Variants in NLGN1 observed in about 807,000 individuals in gnomAD.
NLGN1 encodes the protein neuroligin-1.
NLGN1 carries 12 observed loss-of-function variants against 65.5 expected under a neutral mutation model. The observed-to-expected ratio is 0.18, with a 90% CI of 0.12 to 0.30. The LOEUF is 0.30. Among genes scored for constraint, NLGN1 ranks in the 10% least tolerant of loss-of-function variants. The probability of loss-of-function intolerance (pLI) is 1.00; values close to 1 mark genes in which losing one functional copy is unlikely to be tolerated. For missense variants in NLGN1, 750 were observed against 1,007.1 expected (o/e 0.74, Z 3.46); for synonymous variants, 350 against 359.5 (o/e 0.97, Z 0.30).
At chr3:173,708,215 G>A (rs937735375) in intron 3 of NLGN1, among the ~76,000 whole-genome samples, 1 of 152,126 alleles carries the variant, frequency 6.6e-6, no homozygotes, top group Non-Finnish European at 1.5e-5. Flanking sequence ...CTTCTACCTT[G>A]ATAAATAAAT....
intron 1 of NLGN1, among the ~76,000 whole-genome samples, chr3:173,399,402 C>A (rs1717240213): frequency 6.6e-6 from 1 of 152,164 alleles, no homozygotes; most frequent in Admixed American, 6.5e-5. Context: ...TTCTTCCACC[C>A]CCAAAGTACT....
intron 4 of NLGN1, among the ~76,000 whole-genome samples, chr3:173,948,329 C>G (rs1747568678): frequency 6.6e-6 from 1 of 152,116 alleles, no homozygotes; most frequent in Non-Finnish European, 1.5e-5. Context: ...TGTAACTAAG[C>G]TGTTAGCTGT....
intron 4 of NLGN1, among the ~76,000 whole-genome samples, chr3:174,055,675 C>A (rs1044655129): frequency 3.3e-5 from 5 of 151,982 alleles, no homozygotes; most frequent in African/African-American, 1.2e-4. Flanking sequence ...GAAGCATAAT[C>A]CCCATCTTCA....
downstream of NLGN1, among the ~76,000 whole-genome samples, chr3:174,288,332 A>G (rs530064454): frequency 3.3e-5 from 5 of 151,618 alleles, no homozygotes; most frequent in East Asian, 9.8e-4. Context: ...TCCAGCATAA[A>G]TCTCATCTGA....
chr3:173,398,729 G>A (rs1476604527), intron 1 of NLGN1, among the ~76,000 whole-genome samples: 1 of 152,108 alleles, frequency 6.6e-6, no homozygotes, highest in Non-Finnish European at 1.5e-5. Context: ...ACGTGAATTC[G>A]TATAGTTAAC....
intron 3 of NLGN1, among the ~76,000 whole-genome samples, chr3:173,708,083 T>G (rs1348738318): frequency 6.6e-6 from 1 of 152,242 alleles, no homozygotes. Flanking sequence ...AATTATATTT[T>G]GATCATCACA....
intron 4 of NLGN1, among the ~76,000 whole-genome samples, chr3:174,177,357 A>T (rs1729641199): frequency 6.6e-6 from 1 of 152,038 alleles, no homozygotes; most frequent in South Asian, 2.1e-4. Flanking sequence ...TCTTCAGAAA[A>T]TCACTAGAGA....
intron 4 of NLGN1, among the ~76,000 whole-genome samples, chr3:173,895,084 G>A (rs571970366): frequency 2.6e-5 from 4 of 152,152 alleles, no homozygotes; most frequent in East Asian, 1.9e-4. Context: ...GGGAGGGGGG[G>A]AGTTGTTGAT....
At chr3:173,399,756 T>A (rs985338982) in intron 1 of NLGN1, 2 of 152,212 alleles carry the variant, frequency 1.3e-5, no homozygotes, top group Admixed American at 6.5e-5. Flanking sequence ...ACTAGCTGTT[T>A]CTGGTTTTCT....
intron 3 of NLGN1, among the ~76,000 whole-genome samples, chr3:173,804,568 G>T (rs561551009): frequency 6.7e-6 from 1 of 149,462 alleles, no homozygotes; most frequent in South Asian, 2.1e-4. Flanking sequence ...TAGGCTATCT[G>T]ATATATTAGT....
chr3:173,919,340 A>G (rs148497672), intron 4 of NLGN1, among the ~76,000 whole-genome samples: 141 of 152,312 alleles, frequency 9.3e-4, no homozygotes, highest in African/African-American at 3.3e-3. Flanking sequence ...ACTGTTGTTC[A>G]TATTTTACTT....
intron 2 of NLGN1, among the ~76,000 whole-genome samples, chr3:173,523,866 A>G (rs1475496787): frequency 6.7e-6 from 1 of 149,724 alleles, no homozygotes; most frequent in Non-Finnish European, 1.5e-5. Flanking sequence ...TTTTAACACT[A>G]TTGATTCTTC....
chr3:173,672,179 T>TA (rs1306158353), intron 3 of NLGN1, among the ~76,000 whole-genome samples: 1 of 151,994 alleles, frequency 6.6e-6, no homozygotes, highest in Non-Finnish European at 1.5e-5. Context: ...GTCTCAAAAA[T>TA]AATTAGAATA....
intron 4 of NLGN1, among the ~76,000 whole-genome samples, chr3:174,044,848 T>C (rs1327447257): frequency 1.3e-5 from 2 of 152,070 alleles, no homozygotes; most frequent in African/African-American, 4.8e-5. Context: ...CTTCTCATGA[T>C]AGTGAATTCT....
chr3:173,951,457 C>CTTTTTTTTT (rs67595515), intron 4 of NLGN1, among the ~76,000 whole-genome samples: 1 of 142,606 alleles, frequency 7.0e-6, no homozygotes, highest in African/African-American at 2.6e-5. Flanking sequence ...AGGTATCATT[C>CTTTTTTTTT]TTTTTTTTTT....
At chr3:173,641,583 G>A (rs1037425766) in intron 3 of NLGN1, among the ~76,000 whole-genome samples, 1 of 152,206 alleles carries the variant, frequency 6.6e-6, no homozygotes, top group Non-Finnish European at 1.5e-5. Context: ...GAGCCACTGT[G>A]CCTGGCCCAT....
At chr3:174,037,793 C>T (rs1280723817) in intron 4 of NLGN1, among the ~76,000 whole-genome samples, 2 of 152,014 alleles carry the variant, frequency 1.3e-5, no homozygotes, top group African/African-American at 4.8e-5. Flanking sequence ...ATTAAAGAGC[C>T]TTAGATGAAG....
At chr3:174,030,497 G>T (rs1275976196) in intron 4 of NLGN1, among the ~76,000 whole-genome samples, 1 of 152,148 alleles carries the variant, frequency 6.6e-6, no homozygotes, top group African/African-American at 2.4e-5. Context: ...TGAGTAGTTT[G>T]TGAGCAAGTT....
chr3:174,187,030 T>G (rs2152754582), intron 4 of NLGN1, among the ~76,000 whole-genome samples: 1 of 152,218 alleles, frequency 6.6e-6, no homozygotes, highest in East Asian at 1.9e-4. Context: ...TACTTTATAT[T>G]ATCTCTAGAT....
Sources: allele counts gnomAD v4.1 joint callset (sites outside exome capture counted in the v4.1 genomes callset), GRCh38; gene constraint gnomAD v4.1.1; transcripts MANE v1.5; gene names NCBI Gene and HGNC (gene_info 2026-07-23, HGNC 2026-07-21).